The following PIGO variants were observed in gnomAD, a reference collection of about 807,000 sequenced individuals.
The protein encoded by PIGO is GPI ethanolamine phosphate transferase 3, catalytic subunit.
PIGO carries 66 observed loss-of-function variants against 86.9 expected under a neutral mutation model. That is an observed-to-expected ratio of 0.76 (90% confidence interval 0.62 to 0.93). The LOEUF is 0.93. Ranked by LOEUF, PIGO falls within the 40% of genes least tolerant of loss-of-function variation. The pLI, the probability that PIGO is intolerant of heterozygous loss-of-function variation, is 0.00. For synonymous variants in PIGO, 570 were observed against 556.4 expected, an observed-to-expected ratio of 1.02 and a Z score of -0.34; for missense variants, 1,202 against 1,359.1, an observed-to-expected ratio of 0.88 and a Z score of 1.82.
chr9:35,091,876 C>T lies in PIGO; in HGVS notation c.2011G>A (p.Gly671Arg), dbSNP rs2131075389. 2.5e-6 allele frequency: 4 copies of T among 1,614,182 alleles called. No individual in the cohort carries two copies. In the East Asian group the frequency reaches 8.9e-5, roughly 36 times the overall value. The change falls in exon 7 of 11, where the codon GGA becomes AGA. Residue 671 changes from glycine (G) to arginine (R), a missense_variant. Transcript: ENST00000378617. ...VGGRAKNLWY[G>R]ACVAALVALL... Reference sequence around the variant, plus strand: ...GCCACCAGCGCCGCCACACAAGCTCCATACCACAAATTCTTGGCTCGACCA... The same window carrying T: ...GCCACCAGCGCCGCCACACAAGCTCTATACCACAAATTCTTGGCTCGACCA...
rs1398099043 is a variant in PIGO at position 35,092,365 on chromosome 9, G to C, written c.1522C>G (p.Leu508Val). The change falls in exon 7 of 11, where the codon CTA becomes GTA. Residue 508 changes from leucine to valine, a missense_variant. Physicochemically the swap from Leu to Val is conservative, Grantham distance 32. Coordinates refer to ENST00000378617, the MANE Select transcript of PIGO (RefSeq NM_032634.4). The stretch of plus-strand genomic sequence containing the variant: ...ACAGCCCCTAGAAGCACTAGATCTA[G>C]CTTCAGCTCAATAGTTCCCAGGAGT... The part of the protein sequence containing the change: ...AGLLGTIELK[L>V]DLVLLGAVAA... The C allele has an allele frequency of 1.8e-5, 29 of 1,614,250 alleles. No homozygotes were observed. The highest frequency in any genetic ancestry group is 2.4e-5 in the Non-Finnish European group (28 of 1,180,038).
intron 6 of PIGO, 111 bp downstream of exon 6, chr9:35,092,919 T>C: frequency 7.2e-7 from 1 of 1,396,424 alleles, no homozygotes; most frequent in South Asian, 1.4e-5. Context: ...GGAAGAGGGA[T>C]AGGTATGGAA....
rs781222643 is a variant in PIGO, at chr9:35,092,338, C to T, written c.1549G>A (p.Ala517Thr). ...KLDLVLLGAV[A>T]AVSSFLPFLW... The stretch of plus-strand genomic sequence containing the variant: ...AAAGGGAGGAATGAGCTCACTGCAG[C>T]CACAGCCCCTAGAAGCACTAGATCT... The change falls in exon 7 of 11, where the codon GCT becomes ACT. Residue 517 changes from alanine (A) to threonine (T), a missense_variant. Physicochemically the swap from Ala to Thr is moderately conservative, Grantham distance 58. Coordinates refer to ENST00000378617, the MANE Select transcript of PIGO (RefSeq NM_032634.4). The T allele has an allele frequency of 1.1e-5, 18 of 1,614,082 alleles. No individual in the cohort carries two copies. In the Admixed American group the frequency reaches 1.2e-4, roughly 10 times the overall value.
intron 3 of PIGO, 91 bp downstream of exon 3, chr9:35,094,125 G>T: frequency 6.4e-7 from 1 of 1,562,914 alleles, no homozygotes. Context: ...AGCCCAGGCT[G>T]TTACACCCAT....
At position 35,095,323 on chromosome 9, in the gene PIGO, G is replaced by A. The variant is rs780955778; in HGVS notation, c.243C>T (p.Asp81=). The change falls in exon 2 of 11, where the codon GAC becomes GAT. Residue 81 remains aspartate (D), a synonymous_variant. Coordinates refer to ENST00000378617, the MANE Select transcript of PIGO (RefSeq NM_032634.4). Reference sequence around the variant, plus strand: ...CGTGTGAATGCTGGGGCTGGGCGAAGTCAAATCGCAGAGCATCTATCAGCA... The same window carrying A: ...CGTGTGAATGCTGGGGCTGGGCGAAATCAAATCGCAGAGCATCTATCAGCA... The part of the protein sequence containing the change: ...VLVLIDALRF[D]FAQPQHSHVP... 1 of 1,614,066 alleles carries A rather than the reference G, an allele frequency of 6.2e-7. No homozygotes were observed. Among genetic ancestry groups the A allele is most frequent in the Non-Finnish European group, 8.5e-7 (1 of 1,180,038 alleles).
At position 35,091,952 on chromosome 9, in the gene PIGO, T is replaced by C. The variant is rs138435332; in HGVS notation, c.1935A>G (p.Thr645=). The change falls in exon 7 of 11, where the codon ACA becomes ACG. Residue 645 remains threonine, a synonymous_variant. Coordinates refer to ENST00000378617, the MANE Select transcript of PIGO (RefSeq NM_032634.4). ...GCCAGGGAGAGGAGTGGCAAACAGGTGTCTCTTCAGGGCAACGATGAAAAA... is the reference window on the plus strand; with the variant it reads ...GCCAGGGAGAGGAGTGGCAAACAGGCGTCTCTTCAGGGCAACGATGAAAAA... ...AGLFHRCPEE[T]PVCHSSPWLS... 3.5e-5 allele frequency: 57 copies of C among 1,613,992 alleles called. No homozygotes were observed. The highest frequency in any genetic ancestry group is 4.5e-5 in the Non-Finnish European group (53 of 1,180,016).
chr9:35,095,891 C>T lies in PIGO; in HGVS notation c.-2+264G>A, dbSNP rs1031080561. The T allele has an allele frequency of 7.8e-5, 16 of 205,782 alleles. No individual in the cohort carries two copies. In the East Asian group the frequency reaches 1.7e-3, roughly 21 times the overall value. The allele number at this position is 205,782 out of a possible 1,614,324, so 12.7% of individuals were successfully genotyped here. A position where few individuals can be genotyped will look rare whatever the true frequency, so the allele number is the denominator to read the frequency against. ...GGGTGGCGGGCACCTGTAGTCTCAG[C>T]TACTGGGGAGGCTGACGCAGGAGAA... On this transcript the variant is annotated intron_variant, in intron 1 of 10. Coordinates refer to ENST00000378617, the MANE Select transcript of PIGO (RefSeq NM_032634.4).
At position 35,092,414 on chromosome 9, in the gene PIGO, C is replaced by T. The variant is rs76932500; in HGVS notation, c.1473G>A (p.Leu491=). Residue 491 remains leucine, a synonymous_variant, in exon 7 of 11, where the codon CTG becomes CTA. Coordinates refer to ENST00000378617, the MANE Select transcript of PIGO (RefSeq NM_032634.4). ...GTCCAGCATACGCTATGGCCCCAAC[C>T]AGGCCCCAGGCCACAGGTGTCAGGA... The part of the protein sequence containing the change: ...PLLLTPVAWG[L]VGAIAYAGLL... 6.2e-7 allele frequency: 1 copy of T among 1,614,258 alleles called. No individual in the cohort carries two copies. Among genetic ancestry groups the T allele is most frequent in the Non-Finnish European group, 8.5e-7 (1 of 1,180,038 alleles).
Position 35,090,188 on chromosome 9 carries a change from T to C in PIGO, c.2947A>G (p.Arg983Gly), listed in dbSNP as rs1184399259. 1.9e-6 allele frequency: 3 copies of C among 1,614,240 alleles called. No individual in the cohort carries two copies. Among genetic ancestry groups the C allele is most frequent in the Non-Finnish European group, 2.5e-6 (3 of 1,180,042 alleles). ...TCCTCTTCCTCCTCGGGTCTGACTCTGGCATCAGCTTCATTCCCTGGGGGC... is the reference window on the plus strand; with the variant it reads ...TCCTCTTCCTCCTCGGGTCTGACTCCGGCATCAGCTTCATTCCCTGGGGGC... Reference protein sequence around the residue: ...QQPPGNEADARVRPEEEEEPL... With the variant: ...QQPPGNEADAGVRPEEEEEPL... Residue 983 changes from arginine (R) to glycine (G), a missense_variant, in exon 9 of 11, where the codon AGA becomes GGA. Transcript: ENST00000378617.
intron 1 of PIGO, 133 bp from the exon 2 acceptor site, chr9:35,095,699 A>ACC: frequency 8.7e-7 from 1 of 1,150,560 alleles, no homozygotes; most frequent in African/African-American, 1.6e-5. Context: ...TTCACAGCCA[A>ACC]CCCCTCGCAA....
chr9:35,093,069 A>G lies in PIGO; in HGVS notation c.1080T>C (p.Ala360=). ...GGEDSQPHSS[A]LAQASALHLN... ...GATGGAGAGCTGAGGCTTGGGCTAA[A>G]GCAGAGGAGTGGGGCTGGGAGTCCT... Residue 360 remains alanine (A), a synonymous_variant, in exon 6 of 11, where the codon GCT becomes GCC. Transcript: ENST00000378617. The G allele has an allele frequency of 1.9e-6, 3 of 1,613,926 alleles. No individual in the cohort carries two copies. Among genetic ancestry groups the G allele is most frequent in the Non-Finnish European group, 2.5e-6 (3 of 1,179,776 alleles).
rs773553775 is a variant in PIGO, at chr9:35,092,273, G to C, written c.1614C>G (p.Pro538=). Residue 538 remains proline (P), a synonymous_variant, in exon 7 of 11, where the codon CCC becomes CCG. Coordinates refer to ENST00000378617, the MANE Select transcript of PIGO (RefSeq NM_032634.4). ...CAGGGATGGGAAACAGGGTTGCCAG[G>C]GGCCTCTTGGACCCCCAGCCAGCCC... The part of the protein sequence containing the change: ...KAWAGWGSKR[P]LATLFPIPGP... 1.2e-6 allele frequency: 2 copies of C among 1,614,172 alleles called. No individual in the cohort carries two copies. The highest frequency in any genetic ancestry group is 1.1e-5 in the South Asian group (1 of 91,088).
intron 9 of PIGO, chr9:35,089,772 A>G: frequency 7.2e-7 from 1 of 1,391,002 alleles, no homozygotes; most frequent in Non-Finnish European, 9.3e-7. Context: ...CAGTTTGGGA[A>G]GAAAATCCTG....
rs373305585 is a variant in PIGO at position 35,091,689 on chromosome 9, C to T, written c.2198G>A (p.Arg733Gln). The change falls in exon 7 of 11, where the codon CGG (arginine) becomes CAG (glutamine). Residue 733 changes from arginine to glutamine, a missense_variant. Transcript: ENST00000378617. Reference protein sequence around the residue: ...SGADEAPPRLRVLVSGASMVL... With the variant: ...SGADEAPPRLQVLVSGASMVL... ...CATGGATGCCCCAGAGACCAGGACC[C>T]GGAGACGGGGGGGAGCCTCATCTGC... is the stretch of plus-strand genomic sequence containing the variant. 1,816 of 1,612,562 alleles carry T rather than the reference C, an allele frequency of 1.1e-3. 31 individuals are homozygous for T. The South Asian group carries it at 0.018, about 16-fold the overall frequency.
At position 35,092,421 on chromosome 9, in the gene PIGO, C is replaced by G; in HGVS notation, c.1466G>C (p.Trp489Ser). 1 of 1,614,266 alleles carries G rather than the reference C, an allele frequency of 6.2e-7. No individual in the cohort carries two copies. Among genetic ancestry groups the G allele is most frequent in the Non-Finnish European group, 8.5e-7 (1 of 1,180,046 alleles). Reference sequence around the variant, plus strand: ...ATACGCTATGGCCCCAACCAGGCCCCAGGCCACAGGTGTCAGGAGTAGAGG... The same window carrying G: ...ATACGCTATGGCCCCAACCAGGCCCGAGGCCACAGGTGTCAGGAGTAGAGG... ...FCPLLLTPVA[W>S]GLVGAIAYAG... Residue 489 changes from tryptophan (W) to serine (S), a missense_variant, in exon 7 of 11, where the codon TGG becomes TCG. Coordinates refer to ENST00000378617, the MANE Select transcript of PIGO (RefSeq NM_032634.4).
intron 2 of PIGO, 33 bp from the exon 3 acceptor site, chr9:35,094,392 A>G: frequency 1.9e-6 from 3 of 1,586,880 alleles, no homozygotes; most frequent in Non-Finnish European, 2.6e-6. Context: ...TCAGAGCCTG[A>G]GCAAACGTCA....
Position 35,091,648 on chromosome 9 carries a change from C to T in PIGO, c.2239G>A (p.Val747Ile), listed in dbSNP as rs769119651. ...AGCCCTGAAGCAGCCAGCCCTGCTA[C>T]AGCCCGAGGCAGCACCATGGATGCC... ...SGASMVLPRA[V>I]AGLAASGLAL... is the part of the protein sequence containing the mutation. The change falls in exon 7 of 11, where the codon GTA becomes ATA. Residue 747 changes from valine (V) to isoleucine (I), a missense_variant. Val to Ile is a conservative substitution (Grantham distance 29). Transcript: ENST00000378617. The T allele has an allele frequency of 7.4e-6, 12 of 1,613,248 alleles. No individual in the cohort carries two copies. The highest frequency in any genetic ancestry group is 2.2e-5 in the South Asian group (2 of 91,084).
chr9:35,088,733 C>T lies in PIGO; in HGVS notation c.*359G>A, dbSNP rs888231080. On this transcript the variant is annotated 3_prime_UTR_variant, in exon 11 of 11. Coordinates refer to ENST00000378617, the MANE Select transcript of PIGO (RefSeq NM_032634.4). The stretch of plus-strand genomic sequence containing the variant: ...TACACTTTTTTTTAAATAGTAGAGA[C>T]GGGGTCTTGTTATGTTCCACAGGCT... The T allele has an allele frequency of 7.5e-5, 14 of 185,440 alleles. No homozygotes were observed. Among genetic ancestry groups the T allele is most frequent in the African/African-American group, 7.1e-5 (3 of 42,336 alleles). 11.5% of individuals were successfully genotyped at this position (185,440 alleles called of 1,614,324 possible).
Position 35,090,606 on chromosome 9 carries a change from G to A in PIGO, c.2714C>T (p.Ser905Phe), listed in dbSNP as rs1829373496. The change falls in exon 8 of 11, where the codon TCC (serine) becomes TTC (phenylalanine). Residue 905 changes from serine to phenylalanine, a missense_variant. By Grantham distance (155) the Ser-to-Phe change is radical. Transcript: ENST00000378617. ...TGGAAAGACAGGCTGGTGGCCTGTG[G>A]AGTAGAAGGTCTGTGTGGCCATGAG... The part of the protein sequence containing the change: ...WALMATQTFY[S>F]TGHQPVFPAI... 2 of 1,614,098 alleles carry A rather than the reference G, an allele frequency of 1.2e-6. No individual in the cohort carries two copies. The highest frequency in any genetic ancestry group is 1.7e-6 in the Non-Finnish European group (2 of 1,180,036).
Sources: gnomAD v4.1 joint callset for allele counts on GRCh38, gnomAD v4.1.1 for gene constraint, MANE v1.5 for transcripts, NCBI Gene and HGNC (gene_info 2026-07-23, HGNC 2026-07-21) for gene names.